PLXNA4: variants seen among roughly 807,000 people sequenced by gnomAD.
PLXNA4 encodes the protein plexin A4, also known as plexin-A4.
A neutral mutation model predicts 191.8 loss-of-function variants in PLXNA4; 44 were observed. That is an observed-to-expected ratio of 0.23 (90% confidence interval 0.18 to 0.29). PLXNA4 has a LOEUF of 0.29. Among genes scored for constraint, PLXNA4 ranks in the 10% least tolerant of loss-of-function variants. The pLI, the probability that PLXNA4 is intolerant of heterozygous loss-of-function variation, is 1.00. For missense variants in PLXNA4, 1,800 were observed against 2,488.8 expected, an observed-to-expected ratio of 0.72 and a Z score of 5.89; for synonymous variants, 1,082 against 1,009.5, an observed-to-expected ratio of 1.07 and a Z score of -1.36.
chr7:132,464,423 C>G (rs1349217528), intron 3 of PLXNA4, among the ~76,000 whole-genome samples: 2 of 152,196 alleles, frequency 1.3e-5, no homozygotes, highest in African/African-American at 4.8e-5. Flanking sequence ...TGGGTCTCCA[C>G]TCTGGCACTA....
intron 3 of PLXNA4, among the ~76,000 whole-genome samples, chr7:132,431,445 T>A (rs1327789940): frequency 6.6e-6 from 1 of 152,136 alleles, no homozygotes; most frequent in Admixed American, 6.5e-5. Context: ...TGCAGTCCCA[T>A]GTGGGGACCT....
At chr7:132,164,996 T>A in intron 23 of PLXNA4, 138 bp downstream of exon 23, 1 of 1,310,742 alleles carries the variant, frequency 7.6e-7, no homozygotes, top group Non-Finnish European at 1.0e-6. Context: ...CAGTCCATGA[T>A]AAGGATGAAT....
At chr7:132,235,657 TAAGA>T (rs1798673913) in intron 5 of PLXNA4, among the ~76,000 whole-genome samples, 1 of 152,092 alleles carries the variant, frequency 6.6e-6, no homozygotes, top group Non-Finnish European at 1.5e-5. Context: ...TGACTTTTCT[TAAGA>T]AAGGTAACGC....
chr7:132,585,648 T>C (rs1585387096), intron 2 of PLXNA4, among the ~76,000 whole-genome samples: 1 of 152,214 alleles, frequency 6.6e-6, no homozygotes, highest in Admixed American at 6.5e-5. Context: ...CTATTTCTTA[T>C]GGTTCTGGAG....
At chr7:132,352,011 A>G (rs2116808223) in intron 3 of PLXNA4, among the ~76,000 whole-genome samples, 1 of 152,316 alleles carries the variant, frequency 6.6e-6, no homozygotes. Context: ...TTTAAGGCTT[A>G]TTAGACTATA....
intron 3 of PLXNA4, chr7:132,485,034 A>G (rs1797498320): frequency 6.2e-7 from 1 of 1,608,230 alleles, no homozygotes; most frequent in Non-Finnish European, 8.5e-7. Flanking sequence ...AAAGCAAATT[A>G]ATTTTAAAAC....
At chr7:132,299,771 C>G (rs1801236620) in intron 3 of PLXNA4, among the ~76,000 whole-genome samples, 1 of 152,076 alleles carries the variant, frequency 6.6e-6, no homozygotes, top group Admixed American at 6.6e-5. Context: ...ATAAACAAAC[C>G]AGCTTGATCT....
intron 1 of PLXNA4, among the ~76,000 whole-genome samples, chr7:132,567,615 A>C (rs1801794271): frequency 6.6e-6 from 1 of 151,774 alleles, no homozygotes; most frequent in South Asian, 2.1e-4. Flanking sequence ...ACCTTATCCT[A>C]CTCCATTTAT....
Position 132,202,656 on chromosome 7 carries a change from CG to C in PLXNA4, c.2575del (p.Arg859AlafsTer5). 1 of 1,520,056 alleles carries C rather than the reference CG, an allele frequency of 6.6e-7. No individual in the cohort carries two copies. The highest frequency in any genetic ancestry group is 8.9e-7 in the Non-Finnish European group (1 of 1,129,902). 94.2% of individuals were successfully genotyped at this position (1,520,056 alleles called of 1,614,324 possible). On this transcript the variant is annotated frameshift_variant, in exon 12 of 32. Coordinates refer to ENST00000321063, the MANE Select transcript of PLXNA4 (RefSeq NM_020911.2). LOFTEE classifies it high-confidence loss of function. ...SGAKSKCTNP[R>X]ITEIIPVTGP... ...CCGACCCCGGCTTACCTCTGTGATG[CG>C]GGGGTTTGTGCACTTGCTTTTGGCA...
chr7:132,583,094 T>A (rs1317542335), intron 2 of PLXNA4, among the ~76,000 whole-genome samples: 1 of 152,168 alleles, frequency 6.6e-6, no homozygotes, highest in Non-Finnish European at 1.5e-5. Context: ...TCAGTTCAGT[T>A]CCAGAGTATT....
At chr7:132,567,840 T>C (rs1400230291) in intron 1 of PLXNA4, among the ~76,000 whole-genome samples, 1 of 152,180 alleles carries the variant, frequency 6.6e-6, no homozygotes, top group Non-Finnish European at 1.5e-5. Context: ...AAAAAACTGC[T>C]TGAAGCAGGG....
Position 132,210,970 on chromosome 7 carries a change from G to A in PLXNA4, c.2271C>T (p.Ser757=), listed in dbSNP as rs1264317570. Residue 757 remains serine (S), a synonymous_variant, in exon 10 of 32, where the codon AGC becomes AGT. Transcript: ENST00000321063. ...AGGTGTTCTGGCACTGTACGCTGGA[G>A]CTGTTGAAGCGCAGGGCGGGCACTC... ...EQRVPALRFN[S]SSVQCQNTSY... is the part of the protein sequence containing the mutation. 6.2e-7 allele frequency: 1 copy of A among 1,612,996 alleles called. No individual in the cohort carries two copies. The highest frequency in any genetic ancestry group is 8.5e-7 in the Non-Finnish European group (1 of 1,179,952).
intron 2 of PLXNA4, among the ~76,000 whole-genome samples, chr7:132,622,760 C>T (rs1337800354): frequency 6.6e-6 from 1 of 152,138 alleles, no homozygotes; most frequent in Admixed American, 6.5e-5. Context: ...AGAATTGTTT[C>T]ATCTGAGGTC....
intron 3 of PLXNA4, among the ~76,000 whole-genome samples, chr7:132,467,031 G>C (rs1031058571): frequency 6.6e-6 from 1 of 152,128 alleles, no homozygotes; most frequent in Admixed American, 6.5e-5. Context: ...TAAGCAGCCC[G>C]GTCAGGTAAA....
At chr7:132,282,038 T>G (rs1800497146) in intron 4 of PLXNA4, among the ~76,000 whole-genome samples, 1 of 152,182 alleles carries the variant, frequency 6.6e-6, no homozygotes, top group Admixed American at 6.5e-5. Context: ...GTTCCCAGCA[T>G]CTCTGTGCCT....
At position 132,173,148 on chromosome 7, in the gene PLXNA4, C is replaced by T. The variant is rs1415961226; in HGVS notation, c.4017+1630G>A. On this transcript the variant is annotated intron_variant, in intron 21 of 31. Coordinates refer to ENST00000321063, the MANE Select transcript of PLXNA4 (RefSeq NM_020911.2). ...ACAATGGTCTTATCTTCTTGTCCCTCTTGTGTCTCACTTTAAACAGGAATT... is the reference window on the plus strand; with the variant it reads ...ACAATGGTCTTATCTTCTTGTCCCTTTTGTGTCTCACTTTAAACAGGAATT... Among the ~76,000 whole-genome samples the T allele has an allele frequency of 3.3e-5, 5 of 152,284 alleles. No individual in the cohort carries two copies. In the East Asian group the frequency reaches 9.7e-4, roughly 29 times the overall value.
intron 30 of PLXNA4, among the ~76,000 whole-genome samples, chr7:132,137,092 T>C (rs1795134797): frequency 6.6e-6 from 1 of 152,234 alleles, no homozygotes; most frequent in Admixed American, 6.5e-5. Flanking sequence ...CATGAATTAA[T>C]GAATATGTTA....
intron 10 of PLXNA4, among the ~76,000 whole-genome samples, chr7:132,208,995 T>C (rs939582525): frequency 6.6e-6 from 1 of 152,190 alleles, no homozygotes; most frequent in Admixed American, 6.5e-5. Context: ...GCTGAGGACA[T>C]TTCAACACAA....
intron 2 of PLXNA4, among the ~76,000 whole-genome samples, chr7:132,506,477 CT>C (rs1798468813): frequency 6.6e-6 from 1 of 152,184 alleles, no homozygotes; most frequent in African/African-American, 2.4e-5. Context: ...TGTTCTCAGA[CT>C]AGGTTCATAA....
Sources: gnomAD v4.1 joint callset for allele counts (sites outside exome capture counted in the v4.1 genomes callset) on GRCh38, gnomAD v4.1.1 for gene constraint, MANE v1.5 for transcripts, NCBI Gene and HGNC (gene_info 2026-07-23, HGNC 2026-07-21) for gene names.